The following THAP1 variants were observed in gnomAD, a reference collection of about 807,000 sequenced individuals.
THAP1 encodes the protein THAP domain-containing protein 1.
In THAP1, 6 loss-of-function variants were observed where a neutral mutation model predicts 18.2. That is an observed-to-expected ratio of 0.33 (90% CI 0.18 to 0.65). The LOEUF (loss-of-function observed/expected upper bound fraction) is 0.65, where lower values mean the gene tolerates loss of function less well. Ranked by LOEUF, THAP1 falls within the 30% of genes least tolerant of loss-of-function variation. The pLI is 0.74. For synonymous variants in THAP1, 85 were observed against 90.5 expected (o/e 0.94, Z 0.34); for missense variants, 176 against 253.0 (o/e 0.70, Z 2.06).
At chr8:42,840,735 G>A (rs1802700539) in intron 1 of THAP1, among the ~76,000 whole-genome samples, 1 of 152,154 alleles carries the variant, frequency 6.6e-6, no homozygotes, top group African/African-American at 2.4e-5. Flanking sequence ...TTGGGAGGCT[G>A]AGGAGGGCGG....
chr8:42,837,909 AGAG>A lies in THAP1; in HGVS notation c.*50_*52del, dbSNP rs1802645135. 2 of 1,592,748 alleles carry A rather than the reference AGAG, an allele frequency of 1.3e-6. No individual in the cohort carries two copies. Among genetic ancestry groups the A allele is most frequent in the Middle Eastern group, 3.3e-4 (2 of 5,980 alleles). On this transcript the variant is annotated 3_prime_UTR_variant, in exon 3 of 3. Transcript: ENST00000254250. Reference sequence around the variant, plus strand: ...TTTAAATGAAACTCCTTTACAGGCTAGAGGAGGATATGTGGTATTGCCCCATTA... The same window carrying A: ...TTTAAATGAAACTCCTTTACAGGCTAGAGGATATGTGGTATTGCCCCATTA...
chr8:42,839,858 G>A (rs935028687), intron 1 of THAP1, among the ~76,000 whole-genome samples: 2 of 152,016 alleles, frequency 1.3e-5, no homozygotes, highest in South Asian at 2.1e-4. Flanking sequence ...ATTCATTAAC[G>A]TTTAACTTTT....
chr8:42,839,074 G>A (rs1178289553), intron 2 of THAP1, 112 bp downstream of exon 2: 6 of 1,153,432 alleles, frequency 5.2e-6, no homozygotes, highest in Non-Finnish European at 7.7e-6. Flanking sequence ...TTAACTACAA[G>A]GTTCCAGGCA....
chr8:42,839,800 C>T (rs963649453), intron 1 of THAP1, among the ~76,000 whole-genome samples: 3 of 152,210 alleles, frequency 2.0e-5, no homozygotes, highest in Non-Finnish European at 2.9e-5. Context: ...CCGCCTTGGC[C>T]TCCCAAAGTG....
At chr8:42,840,933 C>T (rs542388570) in intron 1 of THAP1, among the ~76,000 whole-genome samples, 1 of 142,036 alleles carries the variant, frequency 7.0e-6, no homozygotes, top group Non-Finnish European at 1.5e-5. Context: ...TGCCACTGCA[C>T]TCTAGCCTGG....
Position 42,843,274 on chromosome 8 carries a change from A to C in THAP1, c.-180T>G. 1.4e-6 allele frequency: 1 copy of C among 712,458 alleles called. No individual in the cohort carries two copies. The highest frequency in any genetic ancestry group is 1.5e-5 in the South Asian group (1 of 66,078). 44.1% of individuals were successfully genotyped at this position (712,458 alleles called of 1,614,324 possible). ...CCGTTTTGTTGTTTGCATTAGCAGA[A>C]GGACCACAGCCATCGCCCGTCTCCC... On this transcript the variant is annotated 5_prime_UTR_variant, in exon 1 of 3. Transcript: ENST00000254250.
intron 1 of THAP1, among the ~76,000 whole-genome samples, chr8:42,840,965 CAA>C (rs1029278824): frequency 1.5e-4 from 7 of 47,078 alleles, no homozygotes; most frequent in African/African-American, 3.7e-4. Flanking sequence ...GACTCCATCT[CAA>C]AAAAAAAAAA....
At chr8:42,842,850 C>A (rs1802749724) in intron 1 of THAP1, 174 bp downstream of exon 1, 1 of 323,092 alleles carries the variant, frequency 3.1e-6, no homozygotes, top group Non-Finnish European at 4.8e-6. Flanking sequence ...GCGCCGAGAA[C>A]GCGCGATCGG....
At position 42,843,277 on chromosome 8, in the gene THAP1, A is replaced by T. The variant is rs1031358339; in HGVS notation, c.-183T>A. On this transcript the variant is annotated 5_prime_UTR_variant, in exon 1 of 3. Coordinates refer to ENST00000254250, the MANE Select transcript of THAP1 (RefSeq NM_018105.3). Reference sequence around the variant, plus strand: ...TTTTGTTGTTTGCATTAGCAGAAGGACCACAGCCATCGCCCGTCTCCCATC... The same window carrying T: ...TTTTGTTGTTTGCATTAGCAGAAGGTCCACAGCCATCGCCCGTCTCCCATC... The T allele has an allele frequency of 1.4e-6, 1 of 698,012 alleles. No individual in the cohort carries two copies. The highest frequency in any genetic ancestry group is 2.5e-6 in the Non-Finnish European group (1 of 394,884). The allele number at this position is 698,012 out of a possible 1,614,324, so 43.2% of individuals were successfully genotyped here. A position where few individuals can be genotyped will look rare whatever the true frequency, so the allele number is the denominator to read the frequency against.
Position 42,837,924 on chromosome 8 carries a change from G to C in THAP1, c.*38C>G, listed in dbSNP as rs747246177. 3.1e-6 allele frequency: 5 copies of C among 1,604,732 alleles called. No individual in the cohort carries two copies. The African/African-American group carries it at 5.3e-5, about 17-fold the overall frequency. ...TTTACAGGCTAGAGGAGGATATGTG[G>C]TATTGCCCCATTAGAAATCAATACA... On this transcript the variant is annotated 3_prime_UTR_variant, in exon 3 of 3. Transcript: ENST00000254250.
chr8:42,841,872 C>T (rs1205439337), intron 1 of THAP1, among the ~76,000 whole-genome samples: 5 of 152,042 alleles, frequency 3.3e-5, no homozygotes, highest in African/African-American at 9.7e-5. Flanking sequence ...ACTCTGGAGA[C>T]CTCTCTATGT....
At position 42,836,828 on chromosome 8, in the gene THAP1, C is replaced by G. The variant is rs1005624341; in HGVS notation, c.*1134G>C. ...CATAGCAATATTTGTTTACTCAGAA[C>G]ATATTTTCACTTCCAATATATGTAA... On this transcript the variant is annotated 3_prime_UTR_variant, in exon 3 of 3. Transcript: ENST00000254250. 5.0e-4 allele frequency: 77 copies of G among 152,572 alleles called. No individual in the cohort carries two copies. Among genetic ancestry groups the G allele is most frequent in the African/African-American group, 1.8e-3 (74 of 41,570 alleles). 9.5% of individuals were successfully genotyped at this position (152,572 alleles called of 1,614,324 possible).
In THAP1 at chr8:42,836,803, C is replaced by T. The variant is rs1802621119; in HGVS notation, c.*1159G>A. 6.6e-6 allele frequency: 1 copy of T among 152,504 alleles called. No homozygotes were observed. Among genetic ancestry groups the T allele is most frequent in the African/African-American group, 2.4e-5 (1 of 41,416 alleles). 9.4% of individuals were successfully genotyped at this position (152,504 alleles called of 1,614,324 possible). A position where few individuals can be genotyped will look rare whatever the true frequency, so the allele number is the denominator to read the frequency against. ...ATTCTAAATCTAAAAAGATAACTCCCATAGCAATATTTGTTTACTCAGAAC... is the reference window on the plus strand; with the variant it reads ...ATTCTAAATCTAAAAAGATAACTCCTATAGCAATATTTGTTTACTCAGAAC... On this transcript the variant is annotated 3_prime_UTR_variant, in exon 3 of 3. Coordinates refer to ENST00000254250, the MANE Select transcript of THAP1 (RefSeq NM_018105.3).
intron 1 of THAP1, 90 bp downstream of exon 1, chr8:42,842,934 G>C: frequency 5.6e-6 from 5 of 898,616 alleles, no homozygotes; most frequent in Non-Finnish European, 7.1e-6. Flanking sequence ...CCCCTCGCGC[G>C]GACACGCGCC....
chr8:42,837,678 T>C lies in THAP1; in HGVS notation c.*284A>G, dbSNP rs1022536182. On this transcript the variant is annotated 3_prime_UTR_variant, in exon 3 of 3. Coordinates refer to ENST00000254250, the MANE Select transcript of THAP1 (RefSeq NM_018105.3). ...TTTATTTTTACATTATTTCTATAAA[T>C]ACTAAAAAAAAACCCCAAAATCCCC... is the stretch of plus-strand genomic sequence containing the variant. 4 of 208,240 alleles carry C rather than the reference T, an allele frequency of 1.9e-5. No individual in the cohort carries two copies. Among genetic ancestry groups the C allele is most frequent in the African/African-American group, 9.2e-5 (4 of 43,254 alleles). The allele number at this position is 208,240 out of a possible 1,614,324, so 12.9% of individuals were successfully genotyped here.
chr8:42,838,432 T>C lies in THAP1; in HGVS notation c.268-96A>G, dbSNP rs1802656364. ...CAGGCGCAGTGGCTCATGCCTATAA[T>C]CCTAGTACTTTTGTGAGGAAGAGGT... On this transcript the variant is annotated intron_variant, in intron 2 of 2. Transcript: ENST00000254250. 4.6e-6 allele frequency: 7 copies of C among 1,506,756 alleles called. No individual in the cohort carries two copies. In the East Asian group the frequency reaches 1.1e-4, roughly 24 times the overall value. The allele number at this position is 1,506,756 out of a possible 1,614,324, so 93.3% of individuals were successfully genotyped here. A position where few individuals can be genotyped will look rare whatever the true frequency, so the allele number is the denominator to read the frequency against.
intron 2 of THAP1, 150 bp from the exon 3 acceptor site, chr8:42,838,486 A>G (rs1802657238): frequency 3.0e-6 from 3 of 1,014,280 alleles, no homozygotes; most frequent in African/African-American, 1.6e-5. Context: ...CAGGAGTTTG[A>G]GACCAGCCTG....
rs1802651219 is a variant in THAP1 at position 42,838,230 on chromosome 8, G to T, written c.374C>A (p.Thr125Asn). 1 of 1,614,152 alleles carries T rather than the reference G, an allele frequency of 6.2e-7. No individual in the cohort carries two copies. The highest frequency in any genetic ancestry group is 8.5e-7 in the Non-Finnish European group (1 of 1,180,024). ...AIGLLMPPLQ[T>N]PVNLSVFCDH... The stretch of plus-strand genomic sequence containing the variant: ...ACAGAAAACTGAGAGATTAACAGGG[G>T]TCTGAAGAGGCGGCATTAGTAATCC... The change falls in exon 3 of 3, where the codon ACC becomes AAC. Residue 125 changes from threonine (T) to asparagine (N), a missense_variant. Physicochemically the swap from Thr to Asn is moderately conservative, Grantham distance 65 (BLOSUM62 0). Coordinates refer to ENST00000254250, the MANE Select transcript of THAP1 (RefSeq NM_018105.3).
intron 1 of THAP1, among the ~76,000 whole-genome samples, chr8:42,840,640 T>C (rs370985372): frequency 1.2e-4 from 19 of 152,314 alleles, no homozygotes; most frequent in African/African-American, 4.3e-4. Context: ...GCTGCCACTA[T>C]GTAGAGGGTG....
Sources: allele counts gnomAD v4.1 joint callset (sites outside exome capture counted in the v4.1 genomes callset), GRCh38; gene constraint gnomAD v4.1.1; transcripts MANE v1.5; gene names NCBI Gene and HGNC (gene_info 2026-07-23, HGNC 2026-07-21).